DCLK3: variants seen among roughly 807,000 people sequenced by gnomAD.
The protein encoded by DCLK3 is serine/threonine-protein kinase DCLK3.
A neutral mutation model predicts 46.4 loss-of-function variants in DCLK3; 30 were observed. That is an observed-to-expected ratio of 0.65 (90% CI 0.48 to 0.88). The LOEUF (loss-of-function observed/expected upper bound fraction) is 0.88. Ranked by LOEUF, DCLK3 falls within the 40% of genes least tolerant of loss-of-function variation. The pLI is 0.00. For synonymous variants in DCLK3, 401 were observed against 339.2 expected, an observed-to-expected ratio of 1.18 and a Z score of -2.00; for missense variants, 846 against 907.1, an observed-to-expected ratio of 0.93 and a Z score of 0.87.
intron 2 of DCLK3, among the ~76,000 whole-genome samples, chr3:36,731,444 C>T (rs928935816): frequency 1.8e-4 from 16 of 88,778 alleles, no homozygotes; most frequent in Non-Finnish European, 3.5e-4. Context: ...TGATCTCCTT[C>T]GTGCGTGCAC....
intron 1 of DCLK3, among the ~76,000 whole-genome samples, chr3:36,751,164 C>A (rs1417585823): frequency 2.7e-5 from 4 of 146,900 alleles, no homozygotes; most frequent in African/African-American, 1.0e-4. Flanking sequence ...AACTTTTCTT[C>A]TTTTTGGGAA....
chr3:36,763,314 C>A (rs957667522), intron 1 of DCLK3, among the ~76,000 whole-genome samples: 5 of 152,252 alleles, frequency 3.3e-5, no homozygotes, highest in Non-Finnish European at 4.4e-5. Context: ...TCCACAACTT[C>A]TCACACACTT....
At chr3:36,739,649 T>A (rs1201654844) in intron 1 of DCLK3, 1 of 152,360 alleles carries the variant, frequency 6.6e-6, no homozygotes. Context: ...TGGAACTAAC[T>A]GTAAGTCCAA....
chr3:36,749,458 T>A (rs1701420603), intron 1 of DCLK3, among the ~76,000 whole-genome samples: 1 of 152,240 alleles, frequency 6.6e-6, no homozygotes, highest in South Asian at 2.1e-4. Context: ...TTCCTACTGG[T>A]GAGGTTGCAG....
chr3:36,738,058 TCACCCTTC>T lies in DCLK3; in HGVS notation c.1101_1108del (p.Trp367Ter). The T allele has an allele frequency of 1.2e-6, 2 of 1,613,870 alleles. No individual in the cohort carries two copies. ...ATTCCTGGGGCTGCTCCTGTGGCTG[TCACCCTTC>T]CACCCTTCCTCCCCACTTGCAGGAT... is the stretch of plus-strand genomic sequence containing the variant. On this transcript the variant is annotated stop_gained and frameshift_variant, in exon 2 of 5. Transcript: ENST00000636136. LOFTEE classifies it high-confidence loss of function.
intron 2 of DCLK3, among the ~76,000 whole-genome samples, chr3:36,722,725 C>T (rs759198568): frequency 5.3e-5 from 8 of 152,198 alleles, no homozygotes; most frequent in Non-Finnish European, 8.8e-5. Flanking sequence ...TTGCCTGATG[C>T]CATCCATGTA....
At chr3:36,750,520 G>A (rs370560529) in intron 1 of DCLK3, among the ~76,000 whole-genome samples, 9 of 152,180 alleles carry the variant, frequency 5.9e-5, no homozygotes, top group East Asian at 3.9e-4. Flanking sequence ...TCATTTATAC[G>A]ATGATTAGAC....
chr3:36,751,790 T>A (rs1022536088), intron 1 of DCLK3, among the ~76,000 whole-genome samples: 4 of 152,176 alleles, frequency 2.6e-5, no homozygotes, highest in Admixed American at 6.5e-5. Context: ...CACAGAGCCC[T>A]AGTGCCAGGT....
chr3:36,721,471 T>A (rs1402769351), intron 3 of DCLK3, 56 bp downstream of exon 3: 1 of 1,585,642 alleles, frequency 6.3e-7, no homozygotes, highest in South Asian at 1.2e-5. Context: ...ATATGACAAA[T>A]GAAACATTTG....
Position 36,738,146 on chromosome 3 carries a change from A to T in DCLK3, c.1021T>A (p.Tyr341Asn). The change falls in exon 2 of 5, where the codon TAT becomes AAT. Residue 341 changes from tyrosine to asparagine, a missense_variant. By Grantham distance (143) the Tyr-to-Asn change is moderately radical (BLOSUM62 -2). This residue lies in a region of DCLK3 where 553 missense variants were observed against 543.0 expected (regional missense o/e 1.02). Coordinates refer to ENST00000636136, the MANE Select transcript of DCLK3 (RefSeq NM_001394672.2). The stretch of plus-strand genomic sequence containing the variant: ...GTCCTCACCAGCTTCTCCACATCAT[A>T]CATTGGGCCCTTCCCCATATCCAGC... ...SELDMGKGPM[Y>N]DVEKLVRTRS... 1 of 1,613,962 alleles carries T rather than the reference A, an allele frequency of 6.2e-7. No individual in the cohort carries two copies. Among genetic ancestry groups the T allele is most frequent in the South Asian group, 1.1e-5 (1 of 91,020 alleles).
chr3:36,756,252 G>A (rs79522407), intron 1 of DCLK3, among the ~76,000 whole-genome samples: 3,736 of 152,300 alleles, frequency 0.025, 158 homozygotes, highest in African/African-American at 0.085. Context: ...TCCTTCCAGA[G>A]GGGCAAGGAA....
At chr3:36,728,730 G>T (rs1287581564) in intron 2 of DCLK3, among the ~76,000 whole-genome samples, 2 of 152,186 alleles carry the variant, frequency 1.3e-5, no homozygotes, top group Non-Finnish European at 2.9e-5. Context: ...ATAATCATGT[G>T]AGCCAAGTCC....
chr3:36,760,900 C>T (rs1219318588), intron 1 of DCLK3, among the ~76,000 whole-genome samples: 2 of 152,166 alleles, frequency 1.3e-5, no homozygotes, highest in Non-Finnish European at 2.9e-5. Flanking sequence ...TTGAATATGC[C>T]CATTTTACCA....
Position 36,737,339 on chromosome 3 carries a change from C to G in DCLK3, c.1828G>C (p.Asp610His). The G allele has an allele frequency of 6.2e-7, 1 of 1,614,150 alleles. No homozygotes were observed. Among genetic ancestry groups the G allele is most frequent in the East Asian group, 2.2e-5 (1 of 44,872 alleles). Reference protein sequence around the residue: ...LEYVQGGDLFDAIIESVKFPE... With the variant: ...LEYVQGGDLFHAIIESVKFPE... Reference sequence around the variant, plus strand: ...AACTTCACACTTTCTATGATGGCGTCAAAAAGGTCTCCTCCCTGCACGTAC... The same window carrying G: ...AACTTCACACTTTCTATGATGGCGTGAAAAAGGTCTCCTCCCTGCACGTAC... Residue 610 changes from aspartate (D) to histidine (H), a missense_variant, in exon 2 of 5, where the codon GAC (aspartate) becomes CAC (histidine). Physicochemically the swap from Asp to His is moderately conservative, Grantham distance 81. Coordinates refer to ENST00000636136, the MANE Select transcript of DCLK3 (RefSeq NM_001394672.2). This position sits in a 1 kb window ranked among gnomAD's most constrained non-coding sequence, Gnocchi z 4.4.
At chr3:36,730,203 C>T (rs972287130) in intron 2 of DCLK3, among the ~76,000 whole-genome samples, 165 of 148,402 alleles carry the variant, frequency 1.1e-3, no homozygotes, top group Non-Finnish European at 1.7e-3. Context: ...TACACACACA[C>T]ACACACACAC....
chr3:36,730,220 AC>A (rs1219486616), intron 2 of DCLK3, among the ~76,000 whole-genome samples: 1 of 151,842 alleles, frequency 6.6e-6, no homozygotes, highest in Non-Finnish European at 1.5e-5. Flanking sequence ...ACACACACAC[AC>A]ACACACAAAC....
chr3:36,754,516 G>A (rs1051078274), intron 1 of DCLK3, among the ~76,000 whole-genome samples: 1 of 152,182 alleles, frequency 6.6e-6, no homozygotes, highest in Non-Finnish European at 1.5e-5. Context: ...GACCGAAAAC[G>A]TAAACACATT....
At chr3:36,751,534 C>T (rs1442041877) in intron 1 of DCLK3, among the ~76,000 whole-genome samples, 1 of 152,222 alleles carries the variant, frequency 6.6e-6, no homozygotes, top group African/African-American at 2.4e-5. Context: ...TGACACAGTT[C>T]CCTCTAACAG....
intron 2 of DCLK3, among the ~76,000 whole-genome samples, chr3:36,735,169 C>T (rs935430192): frequency 1.7e-4 from 26 of 152,188 alleles, no homozygotes; most frequent in Middle Eastern, 3.2e-3. Flanking sequence ...TTAGACAATT[C>T]GGTGAAAGAA....
Sources: gnomAD v4.1 joint callset for allele counts (sites outside exome capture counted in the v4.1 genomes callset) on GRCh38, gnomAD v4.1.1 for gene constraint, gnomAD v4.1.1 regional missense constraint, Gnocchi (gnomAD v3.1) non-coding constraint, MANE v1.5 for transcripts, NCBI Gene and HGNC (gene_info 2026-07-23, HGNC 2026-07-21) for gene names.